COL4A5: variants seen among roughly 807,000 people sequenced by gnomAD.
The protein encoded by COL4A5 is collagen type IV alpha 5 chain, also known as collagen alpha-5(IV) chain.
Under a neutral mutation model 130.2 loss-of-function variants are expected in COL4A5, and 26 were observed. That is an observed-to-expected ratio of 0.20 (90% CI 0.15 to 0.28). The LOEUF is 0.28. Among genes scored for constraint, COL4A5 ranks in the 10% least tolerant of loss-of-function variants. The pLI, the probability that COL4A5 is intolerant of heterozygous loss-of-function variation, is 1.00. For missense variants in COL4A5, 1,131 were observed against 1,344.3 expected (o/e 0.84, Z 2.48); for synonymous variants, 496 against 439.6 (o/e 1.13, Z -1.60).
intron 47 of COL4A5, among the ~76,000 whole-genome samples, chrX:108,684,630 A>G (rs748369708): frequency 8.9e-6 from 1 of 112,701 alleles, no homozygotes; most frequent in African/African-American, 3.2e-5. Context: ...CACCCAAAAA[A>G]AGTCCAGGAC....
chrX:108,659,021 A>G (rs764195002), intron 37 of COL4A5, among the ~76,000 whole-genome samples: 2 of 111,070 alleles, frequency 1.8e-5, no homozygotes, highest in Non-Finnish European at 3.8e-5. Flanking sequence ...TTTCTAATAG[A>G]TGTATTTAAA....
chrX:108,586,828 G>T, intron 19 of COL4A5, 81 bp downstream of exon 19: 1 of 1,050,366 alleles, frequency 9.5e-7, no homozygotes, highest in Non-Finnish European at 1.3e-6. Context: ...TTAGTTCCAT[G>T]GTCAGCATGG....
At position 108,644,919 on chromosome X, in the gene COL4A5, CAAAAAAAA is replaced by C. The variant is rs778790757; in HGVS notation, c.3247-10401_3247-10394del. ...CGTCTCCAAACAACAACAACAACAACAAAAAAAAAAAAAAAAAAGAAAGCAAAGAAAAG... is the reference window on the plus strand; with the variant it reads ...CGTCTCCAAACAACAACAACAACAACAAAAAAAAAAGAAAGCAAAGAAAAG... On this transcript the variant is annotated intron_variant, in intron 36 of 52. Coordinates refer to ENST00000328300, the MANE Select transcript of COL4A5 (RefSeq NM_033380.3). 2.3e-4 allele frequency among the ~76,000 whole-genome samples: 11 copies of C among 47,539 alleles called. No individual in the cohort carries two copies. In the South Asian group the frequency reaches 8.8e-3, roughly 38 times the overall value. 41.3% of individuals were successfully genotyped at this position (47,539 alleles called of 115,157 possible).
intron 44 of COL4A5, among the ~76,000 whole-genome samples, chrX:108,678,516 A>C (rs1469263812): frequency 9.0e-6 from 1 of 111,381 alleles, no homozygotes; most frequent in Non-Finnish European, 1.9e-5. Flanking sequence ...AAGATTAAAA[A>C]TATTCTCATG....
intron 31 of COL4A5, among the ~76,000 whole-genome samples, chrX:108,621,000 C>T (rs910739669): frequency 9.0e-6 from 1 of 110,973 alleles, no homozygotes; most frequent in African/African-American, 3.3e-5. Flanking sequence ...TCTTTTCTTT[C>T]GCTCTCTCTC....
Position 108,696,340 on chromosome X carries a change from C to T in COL4A5, c.5038C>T (p.Arg1680Ter), listed in dbSNP as rs281874753. 1 of 1,209,521 alleles carries T rather than the reference C, an allele frequency of 8.3e-7. No individual in the cohort carries two copies. Among genetic ancestry groups the T allele is most frequent in the Non-Finnish European group, 1.1e-6 (1 of 893,802 alleles). ...ETLKAGDLRT[R>*]ISRCQVCMKR... ...GCTGAAAGCAGGAGACTTGAGGACACGAATTAGCCGATGTCAAGTGTGCAT... is the reference window on the plus strand; with the variant it reads ...GCTGAAAGCAGGAGACTTGAGGACATGAATTAGCCGATGTCAAGTGTGCAT... The change falls in exon 53 of 53, where the codon CGA (arginine) becomes TGA (stop). Residue 1680 changes from arginine (R) to a stop codon, truncating the protein, a stop_gained. Coordinates refer to ENST00000328300, the MANE Select transcript of COL4A5 (RefSeq NM_033380.3). LOFTEE classifies it high-confidence loss of function.
intron 2 of COL4A5, 57 bp from the exon 3 acceptor site, chrX:108,559,007 A>T (rs991068060): frequency 7.5e-6 from 7 of 935,452 alleles, no homozygotes; most frequent in Non-Finnish European, 9.3e-6. Flanking sequence ...AATCTCAACC[A>T]TGCCTGTGCT....
At chrX:108,619,819 C>T (rs1329412087) in intron 30 of COL4A5, among the ~76,000 whole-genome samples, 2 of 111,931 alleles carry the variant, frequency 1.8e-5, no homozygotes, top group Non-Finnish European at 3.8e-5. Flanking sequence ...GTCAAATAAT[C>T]TATCAGTCTG....
chrX:108,465,290 A>G (rs1429298004), intron 1 of COL4A5, among the ~76,000 whole-genome samples: 1 of 112,333 alleles, frequency 8.9e-6, no homozygotes, highest in Non-Finnish European at 1.9e-5. Context: ...TTTTAATTAT[A>G]GCTATCCTGG....
At chrX:108,499,790 G>A (rs889127686) in intron 1 of COL4A5, among the ~76,000 whole-genome samples, 1 of 111,090 alleles carries the variant, frequency 9.0e-6, no homozygotes, top group Non-Finnish European at 1.9e-5. Context: ...TCAAACATAC[G>A]TCTGTGTGTA....
rs374774580 is a variant in COL4A5 at position 108,583,054 on chromosome X, A to T, written c.990+117A>T. On this transcript the variant is annotated intron_variant, in intron 17 of 52. Transcript: ENST00000328300. ...TACATAACTAGCTTTTATATTCAAA[A>T]TATGCCTTCTTTATTCATCTTTTGC... is the stretch of plus-strand genomic sequence containing the variant. 2.5e-3 allele frequency: 1,439 copies of T among 578,933 alleles called. 14 individuals carry two copies. In the South Asian group the frequency reaches 0.034, roughly 14 times the overall value. The allele number at this position is 578,933 out of a possible 1,213,427, so 47.7% of individuals were successfully genotyped here.
chrX:108,473,933 A>G (rs916157964), intron 1 of COL4A5, among the ~76,000 whole-genome samples: 2 of 110,037 alleles, frequency 1.8e-5, no homozygotes, highest in Non-Finnish European at 3.8e-5. Flanking sequence ...TGCGCTGCCA[A>G]TAAAATATTT....
chrX:108,582,309 G>A (rs1260742737), intron 16 of COL4A5, among the ~76,000 whole-genome samples: 1 of 111,305 alleles, frequency 9.0e-6, no homozygotes, highest in Non-Finnish European at 1.9e-5. Flanking sequence ...TTGCCTCTTA[G>A]TGTTTTCAAC....
chrX:108,639,407 G>C (rs1316660470), intron 36 of COL4A5, among the ~76,000 whole-genome samples: 3 of 111,230 alleles, frequency 2.7e-5, no homozygotes, highest in African/African-American at 9.8e-5. Context: ...CTAAATGTAA[G>C]ACCTAAAACT....
At chrX:108,681,268 T>A (rs778631023) in intron 46 of COL4A5, among the ~76,000 whole-genome samples, 229 of 111,381 alleles carry the variant, frequency 2.1e-3, no homozygotes, top group African/African-American at 7.2e-3. Context: ...ATGAATTTTT[T>A]ATAATATTTT....
chrX:108,669,365 T>A (rs1055810079), intron 41 of COL4A5, among the ~76,000 whole-genome samples: 1 of 112,271 alleles, frequency 8.9e-6, no homozygotes, highest in Non-Finnish European at 1.9e-5. Context: ...CATTTCAAAA[T>A]GAAAAATGTT....
In COL4A5 at chrX:108,606,783, A is replaced by C. The variant is rs369726425; in HGVS notation, c.2286A>C (p.Pro762=). The change falls in exon 29 of 53, where the codon CCA becomes CCC. Residue 762 remains proline, a synonymous_variant. Coordinates refer to ENST00000328300, the MANE Select transcript of COL4A5 (RefSeq NM_033380.3). ...GFALPGPPGP[P]GLPGFKGALG... ...CATTACCTGGGCCACCTGGGCCACC[A>C]GGACTTCCAGGTTTCAAAGGAGCAC... 2 of 1,211,499 alleles carry C rather than the reference A, an allele frequency of 1.7e-6. No individual in the cohort carries two copies. The highest frequency in any genetic ancestry group is 2.2e-6 in the Non-Finnish European group (2 of 895,197).
chrX:108,474,503 G>T (rs2064812802), intron 1 of COL4A5, among the ~76,000 whole-genome samples: 1 of 111,925 alleles, frequency 8.9e-6, no homozygotes, highest in Admixed American at 9.5e-5. Flanking sequence ...TATGATGTTT[G>T]CACAATGATG....
chrX:108,630,875 C>T (rs1393661776), intron 36 of COL4A5, among the ~76,000 whole-genome samples: 1 of 112,278 alleles, frequency 8.9e-6, no homozygotes, highest in African/African-American at 3.2e-5. Context: ...CTACTTATGA[C>T]TAGCCAGTTC....
Sources: allele counts gnomAD v4.1 joint callset (sites outside exome capture counted in the v4.1 genomes callset), GRCh38; gene constraint gnomAD v4.1.1; transcripts MANE v1.5; gene names NCBI Gene and HGNC (gene_info 2026-07-23, HGNC 2026-07-21).